The following CCDC141 variants were observed in gnomAD, a reference collection of about 807,000 sequenced individuals.
The protein encoded by CCDC141 is coiled-coil domain containing 141.
In CCDC141, 168 loss-of-function variants were observed where a neutral mutation model predicts 181.0. That is an observed-to-expected ratio of 0.93 (90% CI 0.82 to 1.05). The LOEUF (loss-of-function observed/expected upper bound fraction) is 1.05. Among genes scored for constraint, CCDC141 ranks in the 50% least tolerant of loss-of-function variants. CCDC141 has a pLI of 0.00. For missense variants in CCDC141, 1,902 were observed against 1,788.5 expected, an observed-to-expected ratio of 1.06 and a Z score of -1.14; for synonymous variants, 666 against 642.3, an observed-to-expected ratio of 1.04 and a Z score of -0.56.
rs372005842 is a variant in CCDC141, at chr2:178,845,618, T to C, written c.3474+8A>G. ...CCTCAATAGCTGAGGTTAAGTAGTT[T>C]TCTTTACCTTATTCCTTTCTTCATT... On this transcript the variant is annotated splice_region_variant and intron_variant, in intron 22 of 23. Coordinates refer to ENST00000443758, the MANE Select transcript of CCDC141 (RefSeq NM_173648.4). 25 of 1,508,276 alleles carry C rather than the reference T, an allele frequency of 1.7e-5. No individual in the cohort carries two copies. The African/African-American group carries it at 3.2e-4, about 19-fold the overall frequency. The allele number at this position is 1,508,276 out of a possible 1,614,324, so 93.4% of individuals were successfully genotyped here.
At chr2:179,010,694 C>T (rs2042243367) in intron 2 of CCDC141, among the ~76,000 whole-genome samples, 1 of 152,102 alleles carries the variant, frequency 6.6e-6, no homozygotes, top group South Asian at 2.1e-4. Flanking sequence ...AACAGAACCT[C>T]TTTAAAGCAT....
chr2:179,047,279 C>A lies in CCDC141; in HGVS notation c.225+5G>T. ...TTGTTTCTGCTTCACATCTTAGTAT[C>A]TTACCTTGAGCTTGGCCAAAAGAAG... On this transcript the variant is annotated splice_donor_5th_base_variant and intron_variant, in intron 2 of 23. Transcript: ENST00000443758. The A allele has an allele frequency of 6.6e-7, 1 of 1,521,046 alleles. No homozygotes were observed. The highest frequency in any genetic ancestry group is 8.8e-7 in the Non-Finnish European group (1 of 1,139,092). 94.2% of individuals were successfully genotyped at this position (1,521,046 alleles called of 1,614,324 possible). A position where few individuals can be genotyped will look rare whatever the true frequency, so the allele number is the denominator to read the frequency against.
chr2:178,933,235 A>C (rs1407464872), intron 6 of CCDC141, among the ~76,000 whole-genome samples: 1 of 152,194 alleles, frequency 6.6e-6, no homozygotes, highest in Non-Finnish European at 1.5e-5. Context: ...TTTAAAAATT[A>C]TTATTAATCA....
intron 8 of CCDC141, among the ~76,000 whole-genome samples, chr2:178,904,790 C>T (rs1408836130): frequency 3.9e-5 from 6 of 152,076 alleles, no homozygotes; most frequent in African/African-American, 1.4e-4. Flanking sequence ...CAAATGTGCT[C>T]ATAAAACAGG....
intron 2 of CCDC141, among the ~76,000 whole-genome samples, chr2:179,016,707 T>G (rs372234840): frequency 2.0e-5 from 3 of 152,244 alleles, no homozygotes; most frequent in African/African-American, 7.2e-5. Flanking sequence ...TAAACTTCTT[T>G]CTTTTTTTAA....
Position 178,833,957 on chromosome 2 carries a change from T to G in CCDC141, c.*216A>C. 1 of 545,032 alleles carries G rather than the reference T, an allele frequency of 1.8e-6. No individual in the cohort carries two copies. Among genetic ancestry groups the G allele is most frequent in the Non-Finnish European group, 3.2e-6 (1 of 308,504 alleles). 33.8% of individuals were successfully genotyped at this position (545,032 alleles called of 1,614,324 possible). On this transcript the variant is annotated 3_prime_UTR_variant, in exon 24 of 24. Coordinates refer to ENST00000443758, the MANE Select transcript of CCDC141 (RefSeq NM_173648.4). ...GTTTCTAGAGTACAAAAATCTGTTCTTATCCACTACAGATAATTTACCAAG... is the reference window on the plus strand; with the variant it reads ...GTTTCTAGAGTACAAAAATCTGTTCGTATCCACTACAGATAATTTACCAAG...
At chr2:178,835,658 A>G (rs1197445316) in intron 23 of CCDC141, 1 of 152,272 alleles carries the variant, frequency 6.6e-6, no homozygotes. Context: ...ATATTCTTCA[A>G]CGACACGTAT....
At chr2:179,015,103 TAATATATATATAATC>T (rs1190592228) in intron 2 of CCDC141, among the ~76,000 whole-genome samples, 3,321 of 27,964 alleles carry the variant, frequency 0.12, 566 homozygotes, top group Non-Finnish European at 0.22. Context: ...TATATATATA[TAATATATATATAATC>T]ATATATATAT....
chr2:178,901,375 G>A (rs1282420077), intron 8 of CCDC141, among the ~76,000 whole-genome samples: 1 of 151,838 alleles, frequency 6.6e-6, no homozygotes, highest in Non-Finnish European at 1.5e-5. Flanking sequence ...CTGGCAAACC[G>A]AATCCAGCAG....
At chr2:178,923,153 G>A (rs1275088869) in intron 6 of CCDC141, among the ~76,000 whole-genome samples, 1 of 144,682 alleles carries the variant, frequency 6.9e-6, no homozygotes, top group Non-Finnish European at 1.5e-5. Flanking sequence ...CGCCCAGGCT[G>A]GAGTGCAGTG....
rs564434634 is a variant in CCDC141, at chr2:178,989,444, A to T, written c.226-10769T>A. ...CTCCATCTCTACTAAAAATTCAAAA[A>T]TTAGCCAGGTGTGGTGGTGGGCACC... On this transcript the variant is annotated intron_variant, in intron 2 of 23. Transcript: ENST00000443758. 1.1e-3 allele frequency among the ~76,000 whole-genome samples: 160 copies of T among 151,728 alleles called. 1 individual carries two copies. The highest frequency in any genetic ancestry group is 0.01 in the Middle Eastern group (3 of 294).
At chr2:178,988,466 T>G (rs1430469060) in intron 2 of CCDC141, among the ~76,000 whole-genome samples, 3 of 144,104 alleles carry the variant, frequency 2.1e-5, no homozygotes, top group Non-Finnish European at 4.7e-5. Context: ...ACTTAAAGTA[T>G]AATAATAAAA....
intron 1 of CCDC141, 30 bp downstream of exon 1, chr2:179,049,810 C>T (rs928493068): frequency 2.5e-5 from 38 of 1,549,856 alleles, no homozygotes; most frequent in Admixed American, 7.9e-5. Flanking sequence ...AGCCCACAGC[C>T]GCACAGAAAA....
At position 178,839,580 on chromosome 2, in the gene CCDC141, C is replaced by CAAA. The variant is rs1561623857; in HGVS notation, c.3475-1837_3475-1836insTTT. On this transcript the variant is annotated intron_variant, in intron 22 of 23. Coordinates refer to ENST00000443758, the MANE Select transcript of CCDC141 (RefSeq NM_173648.4). ...GGGCAACAAGAGTGAAACTTCGTCTCCAAAAAAAAAAAAAAAAAAAAAAAA... is the reference window on the plus strand; with the variant it reads ...GGGCAACAAGAGTGAAACTTCGTCTCAAACAAAAAAAAAAAAAAAAAAAAAAAA... 2.0e-3 allele frequency among the ~76,000 whole-genome samples: 19 copies of CAAA among 9,660 alleles called. 1 individual carries two copies. The highest frequency in any genetic ancestry group is 8.4e-3 in the African/African-American group (17 of 2,026). 6.3% of individuals were successfully genotyped at this position (9,660 alleles called of 152,430 possible).
In CCDC141 at chr2:178,878,054, A is replaced by G; in HGVS notation, c.1809T>C (p.Ser603=). ...GCTGCCACTGCTTCTCAGCCGAGTC[A>G]GAACAATGCTTGGCTTTAGCATCAT... ...EQDDAKAKHC[S]DSAEKQWQLF... Residue 603 remains serine, a synonymous_variant, in exon 12 of 24, where the codon TCT becomes TCC. Coordinates refer to ENST00000443758, the MANE Select transcript of CCDC141 (RefSeq NM_173648.4). 6.2e-7 allele frequency: 1 copy of G among 1,613,854 alleles called. No homozygotes were observed. Among genetic ancestry groups the G allele is most frequent in the Non-Finnish European group, 8.5e-7 (1 of 1,179,784 alleles).
At chr2:178,898,750 C>T (rs1220410307) in intron 8 of CCDC141, among the ~76,000 whole-genome samples, 1 of 152,120 alleles carries the variant, frequency 6.6e-6, no homozygotes. Flanking sequence ...GAAAGGGTCT[C>T]AGATTTACTA....
chr2:178,858,300 A>T (rs1228665243), intron 17 of CCDC141, among the ~76,000 whole-genome samples: 3 of 152,152 alleles, frequency 2.0e-5, no homozygotes, highest in African/African-American at 4.8e-5. Flanking sequence ...TACGGCACTC[A>T]ATGTTTTAAT....
chr2:178,869,524 G>A (rs79285039), intron 14 of CCDC141, among the ~76,000 whole-genome samples: 3 of 152,226 alleles, frequency 2.0e-5, no homozygotes, highest in Non-Finnish European at 4.4e-5. Flanking sequence ...AATAGCATGA[G>A]CAATGCAACA....
At chr2:178,994,695 T>G (rs541236229) in intron 2 of CCDC141, among the ~76,000 whole-genome samples, 1 of 152,178 alleles carries the variant, frequency 6.6e-6, no homozygotes, top group African/African-American at 2.4e-5. Context: ...AACCTGCAAA[T>G]TTTCCAAACT....
Sources: gnomAD v4.1 joint callset for allele counts (sites outside exome capture counted in the v4.1 genomes callset) on GRCh38, gnomAD v4.1.1 for gene constraint, MANE v1.5 for transcripts, NCBI Gene and HGNC (gene_info 2026-07-23, HGNC 2026-07-21) for gene names.